Variants in TSPAN4 observed in about 807,000 individuals in gnomAD.
TSPAN4 encodes the protein tetraspanin 4, also known as tetraspanin-4.
In TSPAN4, 38 loss-of-function variants were observed where a neutral mutation model predicts 31.5. The observed-to-expected ratio is 1.21, with a 90% CI of 0.93 to 1.58. TSPAN4 has a LOEUF of 1.58. Ranked by LOEUF, TSPAN4 falls within the 40% of genes most tolerant of loss-of-function variation. TSPAN4 has a pLI of 0.00. For synonymous variants in TSPAN4, 186 were observed against 144.6 expected, an observed-to-expected ratio of 1.29 and a Z score of -2.06; for missense variants, 330 against 317.3, an observed-to-expected ratio of 1.04 and a Z score of -0.30.
chr11:845,283 G>A (rs868087637), intron 1 of TSPAN4, among the ~76,000 whole-genome samples: 18 of 152,310 alleles, frequency 1.2e-4, no homozygotes, highest in African/African-American at 3.8e-4. Flanking sequence ...ACACCTCAGC[G>A]GTGCACACAG....
At chr11:851,997 G>T (rs1847775754) in intron 3 of TSPAN4, among the ~76,000 whole-genome samples, 1 of 152,176 alleles carries the variant, frequency 6.6e-6, no homozygotes, top group Non-Finnish European at 1.5e-5. Context: ...ACCTCTCTTT[G>T]CTCTGTGAAC....
chr11:859,025 C>G (rs558702073), intron 3 of TSPAN4, among the ~76,000 whole-genome samples: 55 of 140,144 alleles, frequency 3.9e-4, no homozygotes, highest in Admixed American at 7.0e-4. Flanking sequence ...CACATGCACC[C>G]CAGCTCTCAC....
At chr11:855,644 C>T (rs1298397674) in intron 3 of TSPAN4, among the ~76,000 whole-genome samples, 3 of 152,118 alleles carry the variant, frequency 2.0e-5, no homozygotes, top group African/African-American at 4.8e-5. Context: ...GGTGAGGGAA[C>T]GGAGGACAGA....
intron 2 of TSPAN4, among the ~76,000 whole-genome samples, chr11:847,657 G>GT (rs1330577518): frequency 6.6e-6 from 1 of 150,888 alleles, no homozygotes; most frequent in African/African-American, 2.4e-5. Flanking sequence ...GCCTTGTGAG[G>GT]TTTTTGATTT....
At chr11:864,367 C>A (rs1203383043) in intron 4 of TSPAN4, 70 bp from the exon 5 acceptor site, 3 of 1,584,702 alleles carry the variant, frequency 1.9e-6, no homozygotes, top group African/African-American at 2.7e-5. Context: ...GTGGCCCTGG[C>A]CCCTGGCATG....
intron 3 of TSPAN4, among the ~76,000 whole-genome samples, chr11:854,212 G>A (rs935093361): frequency 2.0e-4 from 31 of 152,186 alleles, no homozygotes; most frequent in Non-Finnish European, 3.7e-4. Flanking sequence ...CCTTCCAGAC[G>A]CTGCTCCCCA....
chr11:852,504 G>T (rs769035703), intron 3 of TSPAN4, among the ~76,000 whole-genome samples: 7 of 152,236 alleles, frequency 4.6e-5, no homozygotes, highest in Non-Finnish European at 1.0e-4. Flanking sequence ...CCCAACCCTG[G>T]GCTGGTGCCC....
chr11:859,037 C>T (rs1339574300), intron 3 of TSPAN4, among the ~76,000 whole-genome samples: 2 of 139,414 alleles, frequency 1.4e-5, no homozygotes, highest in Non-Finnish European at 3.1e-5. Flanking sequence ...AGCTCTCACG[C>T]ACCCCCGGGC....
rs916723630 is a variant in TSPAN4 at position 852,713 on chromosome 11, G to A, written c.63+2346G>A. Among the ~76,000 whole-genome samples the A allele has an allele frequency of 2.0e-5, 3 of 152,358 alleles. 1 individual carries two copies. The highest frequency in any genetic ancestry group is 6.5e-5 in the Admixed American group (1 of 15,304). ...CCCCAGGGCTCCTTTCCTTTTGGGG[G>A]TGCCAGCCCCCTGTTGTCGGGGCTT... is the stretch of plus-strand genomic sequence containing the variant. On this transcript the variant is annotated intron_variant, in intron 3 of 8. Coordinates refer to ENST00000397397, the MANE Select transcript of TSPAN4 (RefSeq NM_003271.5).
At position 848,576 on chromosome 11, in the gene TSPAN4, A is replaced by G. The variant is rs1847446451; in HGVS notation, c.-18+1276A>G. On this transcript the variant is annotated intron_variant, in intron 2 of 8. Coordinates refer to ENST00000397397, the MANE Select transcript of TSPAN4 (RefSeq NM_003271.5). The surrounding 1 kb of genome is among the most constrained non-coding windows in gnomAD (Gnocchi z 5.7). ...CGGGGCTTCCACGGCAGCCCTCCCC[A>G]GACCTGCCACCTCCCACATCAGTCA... 6.6e-6 allele frequency among the ~76,000 whole-genome samples: 1 copy of G among 152,116 alleles called. No homozygotes were observed. Among genetic ancestry groups the G allele is most frequent in the Non-Finnish European group, 1.5e-5 (1 of 67,988 alleles).
intron 3 of TSPAN4, among the ~76,000 whole-genome samples, chr11:856,052 AG>A (rs959895128): frequency 6.6e-6 from 1 of 152,190 alleles, no homozygotes; most frequent in African/African-American, 2.4e-5. Context: ...AGGAGGCTCA[AG>A]GGGGCCGTCC....
intron 3 of TSPAN4, among the ~76,000 whole-genome samples, chr11:852,097 C>T (rs11246333): frequency 6.6e-6 from 1 of 152,048 alleles, no homozygotes; most frequent in Admixed American, 6.5e-5. Context: ...CCTTGGGACC[C>T]TATTCTGGGC....
chr11:860,095 C>G (rs1424445315), intron 3 of TSPAN4, among the ~76,000 whole-genome samples: 1 of 152,228 alleles, frequency 6.6e-6, no homozygotes, highest in African/African-American at 2.4e-5. Context: ...AGGTCCTGCG[C>G]TGGCAGCCTC....
intron 3 of TSPAN4, chr11:857,715 T>G (rs1387455813): frequency 6.6e-6 from 1 of 152,252 alleles, no homozygotes; most frequent in Non-Finnish European, 1.5e-5. Context: ...AGTTTGGGTT[T>G]TAAATGACAG....
chr11:843,651 C>G (rs1275931914), intron 1 of TSPAN4: 1 of 38,806 alleles, frequency 2.6e-5, no homozygotes, highest in East Asian at 6.7e-4. Flanking sequence ...ACCCTTCTTG[C>G]TGTGCCCCTG....
intron 3 of TSPAN4, among the ~76,000 whole-genome samples, chr11:856,619 G>T (rs1024058849): frequency 6.6e-6 from 1 of 152,232 alleles, no homozygotes; most frequent in African/African-American, 2.4e-5. Flanking sequence ...AGCGTGTGGG[G>T]AGGGAGCTCC....
chr11:846,081 C>T (rs1326101812), intron 1 of TSPAN4, among the ~76,000 whole-genome samples: 5 of 152,080 alleles, frequency 3.3e-5, no homozygotes, highest in Non-Finnish European at 7.4e-5. Flanking sequence ...CTCAAAGCTG[C>T]CTCAGAGCCC....
chr11:864,136 T>G, intron 4 of TSPAN4: 12 of 467,558 alleles, frequency 2.6e-5, no homozygotes, highest in Non-Finnish European at 3.5e-5. Context: ...GGAACAGGGA[T>G]TTGTGCCCAC....
chr11:861,075 T>G (rs1848428722), intron 3 of TSPAN4, among the ~76,000 whole-genome samples: 1 of 152,206 alleles, frequency 6.6e-6, no homozygotes, highest in Non-Finnish European at 1.5e-5. Flanking sequence ...GGTGGGGTCC[T>G]GGCGGACCCC....
Sources: gnomAD v4.1 joint callset for allele counts (sites outside exome capture counted in the v4.1 genomes callset) on GRCh38, gnomAD v4.1.1 for gene constraint, Gnocchi (gnomAD v3.1) non-coding constraint, MANE v1.5 for transcripts, NCBI Gene and HGNC (gene_info 2026-07-23, HGNC 2026-07-21) for gene names.